The following MBD5 variants were observed in gnomAD, a reference collection of about 807,000 sequenced individuals.
MBD5 encodes methyl-CpG binding domain protein 5.
Under a neutral mutation model 117.3 loss-of-function variants are expected in MBD5, and 13 were observed. That is an observed-to-expected ratio of 0.11 (90% CI 0.07 to 0.18). The LOEUF (loss-of-function observed/expected upper bound fraction) is 0.18. Ranked by LOEUF, MBD5 falls within the 10% of genes least tolerant of loss-of-function variation. MBD5 has a pLI of 1.00. For missense variants in MBD5, 1,879 were observed against 2,093.8 expected, an observed-to-expected ratio of 0.90 and a Z score of 2.00; for synonymous variants, 727 against 766.4, an observed-to-expected ratio of 0.95 and a Z score of 0.85.
At position 148,483,890 on chromosome 2, in the gene MBD5, A is replaced by G; in HGVS notation, c.3299A>G (p.Asn1100Ser). Reference sequence around the variant, plus strand: ...GGTGTCCTGAACTCGGCATCGGCCAACACCGCTAATCATCCAGAGGTTTCC... The same window carrying G: ...GGTGTCCTGAACTCGGCATCGGCCAGCACCGCTAATCATCCAGAGGTTTCC... ...LGGVLNSASA[N>S]TANHPEVSIA... The change falls in exon 9 of 14, where the codon AAC becomes AGC. Residue 1100 changes from asparagine to serine, a missense_variant. By Grantham distance (46) the Asn-to-Ser change is conservative. Coordinates refer to ENST00000642680, the MANE Select transcript of MBD5 (RefSeq NM_001378120.1). The G allele has an allele frequency of 1.3e-6, 2 of 1,550,616 alleles. No individual in the cohort carries two copies. The highest frequency in any genetic ancestry group is 1.2e-5 in the South Asian group (1 of 84,062).
chr2:148,227,639 A>T (rs1699866988), intron 2 of MBD5, among the ~76,000 whole-genome samples: 2 of 152,178 alleles, frequency 1.3e-5, no homozygotes, highest in Admixed American at 1.3e-4. Flanking sequence ...AGATTTTTCC[A>T]ATTCTGTGAA....
At chr2:148,428,998 A>G (rs961231766) in intron 4 of MBD5, among the ~76,000 whole-genome samples, 1 of 152,228 alleles carries the variant, frequency 6.6e-6, no homozygotes, top group Non-Finnish European at 1.5e-5. Flanking sequence ...GACAAATGGG[A>G]TCCAATTAAA....
intron 8 of MBD5, 73 bp from the exon 9 acceptor site, chr2:148,483,037 A>G: frequency 6.5e-6 from 10 of 1,535,234 alleles, no homozygotes; most frequent in South Asian, 1.2e-5. Context: ...ATGTTAATGC[A>G]TTTTTATGCC....
chr2:148,165,002 T>C (rs1403331399), intron 1 of MBD5, among the ~76,000 whole-genome samples: 7 of 152,226 alleles, frequency 4.6e-5, no homozygotes, highest in Admixed American at 4.6e-4. Flanking sequence ...AAGGAGTTTA[T>C]TGTTTACTTG....
intron 3 of MBD5, chr2:148,264,648 A>C (rs567454590): frequency 1.3e-5 from 2 of 152,210 alleles, no homozygotes; most frequent in Non-Finnish European, 2.9e-5. Context: ...TGCAGAATCT[A>C]TAGGGGTGCT....
chr2:148,221,160 T>C (rs1699676560), intron 2 of MBD5, among the ~76,000 whole-genome samples: 1 of 152,154 alleles, frequency 6.6e-6, no homozygotes, highest in Admixed American at 6.6e-5. Flanking sequence ...TACCACACTT[T>C]CTTATATTCA....
intron 3 of MBD5, among the ~76,000 whole-genome samples, chr2:148,315,634 C>G (rs1000842956): frequency 1.3e-5 from 2 of 152,112 alleles, no homozygotes; most frequent in Non-Finnish European, 2.9e-5. Context: ...CCCAGTCCAA[C>G]CTTCCCATCT....
chr2:148,280,395 G>A (rs1165368513), intron 3 of MBD5, among the ~76,000 whole-genome samples: 2 of 152,022 alleles, frequency 1.3e-5, no homozygotes, highest in African/African-American at 4.8e-5. Context: ...TATGTCCCTT[G>A]CCTTCCCTCA....
chr2:148,386,126 GAAAA>G (rs1559049488), intron 4 of MBD5, among the ~76,000 whole-genome samples: 1 of 150,898 alleles, frequency 6.6e-6, no homozygotes, highest in African/African-American at 2.4e-5. Context: ...TAAAAAAAAA[GAAAA>G]AGAAAGGCTA....
At chr2:148,262,176 C>T (rs1330194699) in intron 3 of MBD5, among the ~76,000 whole-genome samples, 1 of 152,000 alleles carries the variant, frequency 6.6e-6, no homozygotes, top group Non-Finnish European at 1.5e-5. Flanking sequence ...CACCCATAGA[C>T]TTGCTGAATG....
At chr2:148,490,623 A>G in intron 11 of MBD5, 29 bp downstream of exon 11, 1 of 1,613,078 alleles carries the variant, frequency 6.2e-7, no homozygotes, top group Non-Finnish European at 8.5e-7. Context: ...ATTGTCAAAT[A>G]CTAACCTTTG....
At chr2:148,405,570 G>A (rs1705050689) in intron 4 of MBD5, among the ~76,000 whole-genome samples, 1 of 152,194 alleles carries the variant, frequency 6.6e-6, no homozygotes, top group South Asian at 2.1e-4. Flanking sequence ...CATCCAGGAA[G>A]AAAGGAGTGC....
intron 3 of MBD5, among the ~76,000 whole-genome samples, chr2:148,271,935 T>TAGAC (rs1259376973): frequency 6.6e-6 from 1 of 152,184 alleles, no homozygotes; most frequent in African/African-American, 2.4e-5. Context: ...GACCAGCGTC[T>TAGAC]GCCCCATCCC....
chr2:148,482,313 A>G (rs1052274176), intron 8 of MBD5, among the ~76,000 whole-genome samples: 3 of 152,246 alleles, frequency 2.0e-5, no homozygotes, highest in East Asian at 1.9e-4. Context: ...TAATAAAAAA[A>G]CTCATGACTG....
chr2:148,127,029 T>A (rs1259434904), intron 1 of MBD5, among the ~76,000 whole-genome samples: 2 of 148,770 alleles, frequency 1.3e-5, no homozygotes, highest in East Asian at 2.0e-4. Flanking sequence ...CAGGCTGGAG[T>A]GCGTGGCGCG....
intron 1 of MBD5, among the ~76,000 whole-genome samples, chr2:148,099,875 T>C (rs1243321958): frequency 6.6e-6 from 1 of 152,200 alleles, no homozygotes; most frequent in Non-Finnish European, 1.5e-5. Context: ...GAAATGATCA[T>C]TCATTCACAT....
intron 3 of MBD5, chr2:148,243,849 A>C (rs1469750262): frequency 1.3e-5 from 2 of 152,088 alleles, no homozygotes; most frequent in East Asian, 3.9e-4. Flanking sequence ...CATATCACAC[A>C]TAGATAAGTA....
At chr2:148,394,545 GT>G (rs71856376) in intron 4 of MBD5, among the ~76,000 whole-genome samples, 29,269 of 121,436 alleles carry the variant, frequency 0.24, 2,887 homozygotes, top group Admixed American at 0.33. Flanking sequence ...CTGTACTTTG[GT>G]TTTTTTTTTT....
chr2:148,433,036 T>G (rs535091987), intron 4 of MBD5, among the ~76,000 whole-genome samples: 1 of 152,274 alleles, frequency 6.6e-6, no homozygotes, highest in Admixed American at 6.5e-5. Flanking sequence ...TGTCTCTGAT[T>G]TTTTTGAGCA....
Sources: gnomAD v4.1 joint callset for allele counts (sites outside exome capture counted in the v4.1 genomes callset) on GRCh38, gnomAD v4.1.1 for gene constraint, MANE v1.5 for transcripts, NCBI Gene and HGNC (gene_info 2026-07-23, HGNC 2026-07-21) for gene names.